Variants in JAZF1 observed in about 807,000 individuals in gnomAD.
JAZF1 encodes the protein juxtaposed with another zinc finger protein 1.
A neutral mutation model predicts 26.4 loss-of-function variants in JAZF1; 8 were observed. The ratio of observed to expected loss-of-function variants is 0.30; its 90% CI spans 0.18 to 0.55. The LOEUF (loss-of-function observed/expected upper bound fraction) is 0.55. Ranked by LOEUF, JAZF1 falls within the 20% of genes least tolerant of loss-of-function variation. The probability of loss-of-function intolerance (pLI) is 0.94; values close to 1 mark genes in which losing one functional copy is unlikely to be tolerated. For synonymous variants in JAZF1, 126 were observed against 122.3 expected (o/e 1.03, Z -0.20); for missense variants, 199 against 322.0 (o/e 0.62, Z 2.92).
intron 1 of JAZF1, among the ~76,000 whole-genome samples, chr7:28,155,122 G>A (rs373343430): frequency 6.6e-6 from 1 of 152,240 alleles, no homozygotes; most frequent in African/African-American, 2.4e-5. Context: ...TGATTGGGAG[G>A]GGGGATGGAA....
intron 1 of JAZF1, among the ~76,000 whole-genome samples, chr7:28,036,566 A>G (rs1583522580): frequency 6.6e-6 from 1 of 152,346 alleles, no homozygotes; most frequent in African/African-American, 2.4e-5. Flanking sequence ...AAAGGCTCGC[A>G]CTGGAGGAGG....
At chr7:27,876,129 A>C (rs1783675210) in intron 3 of JAZF1, among the ~76,000 whole-genome samples, 1 of 152,304 alleles carries the variant, frequency 6.6e-6, no homozygotes, top group African/African-American at 2.4e-5. Context: ...TGCCCAGTAC[A>C]TCCTGGGTGT....
intron 1 of JAZF1, among the ~76,000 whole-genome samples, chr7:28,133,921 C>T (rs2127942905): frequency 6.6e-6 from 1 of 152,344 alleles, no homozygotes; most frequent in Admixed American, 6.5e-5. Context: ...AAAACTCATA[C>T]ATAATGACTT....
chr7:28,080,308 C>T (rs547096827), intron 1 of JAZF1, among the ~76,000 whole-genome samples: 13 of 152,294 alleles, frequency 8.5e-5, no homozygotes, highest in South Asian at 4.1e-4. Flanking sequence ...CTTTGGCTTA[C>T]GGGAATGTTA....
At chr7:27,949,661 T>C (rs991003850) in intron 2 of JAZF1, among the ~76,000 whole-genome samples, 2 of 151,898 alleles carry the variant, frequency 1.3e-5, no homozygotes, top group African/African-American at 4.8e-5. Context: ...TACTCGGGAG[T>C]CTGAGGCATA....
intron 2 of JAZF1, among the ~76,000 whole-genome samples, chr7:27,975,471 G>A (rs952319051): frequency 2.0e-5 from 3 of 152,130 alleles, no homozygotes; most frequent in Admixed American, 6.5e-5. Flanking sequence ...AAGGAAGGAC[G>A]GGCTGAGACC....
chr7:28,117,364 T>C (rs1052394687), intron 1 of JAZF1, among the ~76,000 whole-genome samples: 3 of 152,246 alleles, frequency 2.0e-5, no homozygotes, highest in Non-Finnish European at 2.9e-5. Flanking sequence ...TATTTGTATA[T>C]TGAAATCCTT....
chr7:28,001,723 A>G (rs182844241), intron 1 of JAZF1, among the ~76,000 whole-genome samples: 110 of 152,210 alleles, frequency 7.2e-4, no homozygotes, highest in Admixed American at 4.8e-3. Context: ...AAGAGTTCAA[A>G]CTTAGTTCTG....
chr7:28,135,265 TCTC>T (rs71698491), intron 1 of JAZF1, among the ~76,000 whole-genome samples: 5,982 of 152,250 alleles, frequency 0.039, 352 homozygotes, highest in African/African-American at 0.13. Flanking sequence ...AGGAGCCCTC[TCTC>T]CTCAACTGGC....
chr7:27,888,385 C>T (rs1049773042), intron 3 of JAZF1, among the ~76,000 whole-genome samples: 1 of 152,068 alleles, frequency 6.6e-6, no homozygotes, highest in Non-Finnish European at 1.5e-5. Context: ...TTAGTTTATA[C>T]TTTATTTTGG....
At chr7:28,151,811 TA>T (rs1342699361) in intron 1 of JAZF1, among the ~76,000 whole-genome samples, 1 of 151,748 alleles carries the variant, frequency 6.6e-6, no homozygotes, top group African/African-American at 2.4e-5. Flanking sequence ...ACACAGAGGA[TA>T]AAATCTTTTA....
Position 28,135,091 on chromosome 7 carries a change from T to C in JAZF1, c.115+45372A>G, listed in dbSNP as rs75301880. ...GATTGTAGGGAAGCTATATTTTCCT[T>C]ATATAGTAGCAGCCTAAATGACAAT... On this transcript the variant is annotated intron_variant, in intron 1 of 4. Coordinates refer to ENST00000283928, the MANE Select transcript of JAZF1 (RefSeq NM_175061.4). 0.013 allele frequency among the ~76,000 whole-genome samples: 1,985 copies of C among 152,336 alleles called. 136 individuals are homozygous for C. In the East Asian group the frequency reaches 0.22, roughly 17 times the overall value.
chr7:28,073,420 AGG>A (rs1784006560), intron 1 of JAZF1, among the ~76,000 whole-genome samples: 1 of 152,190 alleles, frequency 6.6e-6, no homozygotes, highest in Non-Finnish European at 1.5e-5. Context: ...GGCGCACCCA[AGG>A]ACTGAAAATC....
chr7:28,147,127 T>C (rs1783039870), intron 1 of JAZF1, among the ~76,000 whole-genome samples: 1 of 151,532 alleles, frequency 6.6e-6, no homozygotes, highest in Admixed American at 6.6e-5. Flanking sequence ...ATTATAGGCA[T>C]GAGCCAGTGC....
chr7:27,990,850 T>C (rs1785885536), intron 2 of JAZF1, among the ~76,000 whole-genome samples: 2 of 152,228 alleles, frequency 1.3e-5, no homozygotes, highest in Admixed American at 1.3e-4. Flanking sequence ...ATGTCAAATA[T>C]TATTGGTAAT....
chr7:27,977,377 C>T lies in JAZF1; in HGVS notation c.188+14532G>A, dbSNP rs537410566. On this transcript the variant is annotated intron_variant, in intron 2 of 4. Transcript: ENST00000283928. Reference sequence around the variant, plus strand: ...CTTGTCAGAACTCCAAATTCTGTCTCCTCTGACAATCTTATGTGGGTTTGG... The same window carrying T: ...CTTGTCAGAACTCCAAATTCTGTCTTCTCTGACAATCTTATGTGGGTTTGG... Among the ~76,000 whole-genome samples the T allele has an allele frequency of 3.3e-5, 5 of 152,262 alleles. No homozygotes were observed. In the South Asian group the frequency reaches 6.2e-4, roughly 19 times the overall value.
chr7:28,128,856 A>G (rs916975166), intron 1 of JAZF1, among the ~76,000 whole-genome samples: 3 of 152,200 alleles, frequency 2.0e-5, no homozygotes, highest in African/African-American at 4.8e-5. Flanking sequence ...TCTTTCACAT[A>G]ATGACTTCTT....
intron 2 of JAZF1, among the ~76,000 whole-genome samples, chr7:27,923,448 T>C (rs1371430726): frequency 6.6e-6 from 1 of 152,144 alleles, no homozygotes; most frequent in African/African-American, 2.4e-5. Flanking sequence ...CTTTGCAGAG[T>C]TGAATGTCAG....
intron 1 of JAZF1, among the ~76,000 whole-genome samples, chr7:28,117,079 C>T (rs892338915): frequency 1.4e-4 from 21 of 152,176 alleles, no homozygotes; most frequent in Admixed American, 1.2e-3. Flanking sequence ...CCGCCTTGGC[C>T]TTCAATGAAT....
Sources: allele counts gnomAD v4.1 joint callset (sites outside exome capture counted in the v4.1 genomes callset), GRCh38; gene constraint gnomAD v4.1.1; transcripts MANE v1.5; gene names NCBI Gene and HGNC (gene_info 2026-07-23, HGNC 2026-07-21).